Variants in LMBR1 observed in about 807,000 individuals in gnomAD.
The protein encoded by LMBR1 is limb region 1 protein homolog.
Under a neutral mutation model 73.9 loss-of-function variants are expected in LMBR1, and 52 were observed. That is an observed-to-expected ratio of 0.70 (90% CI 0.56 to 0.89). The LOEUF is 0.89. Among genes scored for constraint, LMBR1 ranks in the 40% least tolerant of loss-of-function variants. The pLI is 0.00. For missense variants in LMBR1, 539 were observed against 579.8 expected, an observed-to-expected ratio of 0.93 and a Z score of 0.72; for synonymous variants, 215 against 209.4, an observed-to-expected ratio of 1.03 and a Z score of -0.23.
At chr7:156,704,426 T>A (rs986957093) in intron 15 of LMBR1, among the ~76,000 whole-genome samples, 2 of 152,068 alleles carry the variant, frequency 1.3e-5, no homozygotes, top group East Asian at 1.9e-4. Context: ...AAACACATCA[T>A]GGTCACATAG....
At chr7:156,697,177 G>A (rs1406207666) in intron 15 of LMBR1, among the ~76,000 whole-genome samples, 2 of 152,170 alleles carry the variant, frequency 1.3e-5, no homozygotes, top group Admixed American at 6.5e-5. Context: ...GGTTTCAAAA[G>A]GGGAGGGGGT....
intron 9 of LMBR1, among the ~76,000 whole-genome samples, chr7:156,735,801 T>C (rs1382169086): frequency 6.6e-6 from 1 of 152,184 alleles, no homozygotes; most frequent in Non-Finnish European, 1.5e-5. Flanking sequence ...CATACATTTA[T>C]ACACACACCT....
At chr7:156,787,010 T>C (rs1454039950) in intron 5 of LMBR1, among the ~76,000 whole-genome samples, 1 of 152,162 alleles carries the variant, frequency 6.6e-6, no homozygotes, top group Admixed American at 6.5e-5. Context: ...TCTATAGTAA[T>C]ATTAGCCGCA....
At chr7:156,701,723 C>T (rs564615555) in intron 15 of LMBR1, among the ~76,000 whole-genome samples, 2 of 152,310 alleles carry the variant, frequency 1.3e-5, no homozygotes, top group East Asian at 1.9e-4. Flanking sequence ...TTTGCTGCAC[C>T]TATCAATCTA....
In LMBR1 at chr7:156,700,160, T is replaced by C. The variant is rs545438372; in HGVS notation, c.1226-11969A>G. Among the ~76,000 whole-genome samples the C allele has an allele frequency of 2.7e-3, 413 of 152,280 alleles. 3 individuals are homozygous for C. Among genetic ancestry groups the C allele is most frequent in the African/African-American group, 9.4e-3 (392 of 41,536 alleles). ...AACCAACCCAAATGTCCAGCAACGA[T>C]AGACTGGATTAAGAAAATGTGGCAC... On this transcript the variant is annotated intron_variant, in intron 15 of 16. Coordinates refer to ENST00000353442, the MANE Select transcript of LMBR1 (RefSeq NM_022458.4).
At chr7:156,763,840 T>TCA (rs1351688209) in intron 5 of LMBR1, 45 bp from the exon 6 acceptor site, 1 of 1,505,332 alleles carries the variant, frequency 6.6e-7, no homozygotes. Flanking sequence ...TTACTTCATT[T>TCA]CATGAACAAT....
At chr7:156,737,334 T>G (rs1818067752) in intron 9 of LMBR1, among the ~76,000 whole-genome samples, 1 of 152,188 alleles carries the variant, frequency 6.6e-6, no homozygotes, top group South Asian at 2.1e-4. Flanking sequence ...TATTCCTGTC[T>G]TTTTGAATGT....
chr7:156,697,830 G>T (rs1398063999), intron 15 of LMBR1, among the ~76,000 whole-genome samples: 2 of 152,160 alleles, frequency 1.3e-5, no homozygotes, highest in Non-Finnish European at 2.9e-5. Context: ...TGGTCCTGAG[G>T]TGACATACAT....
intron 1 of LMBR1, among the ~76,000 whole-genome samples, chr7:156,878,334 T>C (rs1800529540): frequency 6.6e-6 from 1 of 152,186 alleles, no homozygotes; most frequent in Non-Finnish European, 1.5e-5. Flanking sequence ...CTCCTAAAAC[T>C]GATAAATGAA....
At chr7:156,836,371 G>A (rs1248219155) in intron 2 of LMBR1, among the ~76,000 whole-genome samples, 1 of 152,126 alleles carries the variant, frequency 6.6e-6, no homozygotes, top group Non-Finnish European at 1.5e-5. Flanking sequence ...GGATATATGT[G>A]AAAGAATAAA....
intron 5 of LMBR1, among the ~76,000 whole-genome samples, chr7:156,781,188 T>C (rs1827072128): frequency 1.3e-5 from 2 of 152,316 alleles, no homozygotes; most frequent in African/African-American, 2.4e-5. Flanking sequence ...ATAAAAGATA[T>C]TAAGTTTTAA....
intron 15 of LMBR1, among the ~76,000 whole-genome samples, chr7:156,691,740 T>C (rs921321399): frequency 5.3e-5 from 8 of 150,790 alleles, no homozygotes; most frequent in Middle Eastern, 6.8e-3. Flanking sequence ...CATCTTGTTA[T>C]TTTAAAAAAA....
chr7:156,781,353 AG>A (rs1827105531), intron 5 of LMBR1, among the ~76,000 whole-genome samples: 1 of 152,170 alleles, frequency 6.6e-6, no homozygotes, highest in African/African-American at 2.4e-5. Context: ...TGTACATGAA[AG>A]CTTCCGGCTT....
chr7:156,676,470 G>A (rs367944175), downstream of LMBR1: 109 of 1,613,932 alleles, frequency 6.8e-5, no homozygotes, highest in East Asian at 1.6e-3. Flanking sequence ...CCCTCTCTCC[G>A]CTGCTGGCGG....
chr7:156,856,064 G>A (rs192071138), intron 1 of LMBR1, among the ~76,000 whole-genome samples: 40 of 152,020 alleles, frequency 2.6e-4, no homozygotes, highest in African/African-American at 8.2e-4. Context: ...GTGTGGTGGC[G>A]GGTGCCTGTA....
In LMBR1 at chr7:156,682,107, T is replaced by C. The variant is rs12530942; in HGVS notation, c.*1971A>G. 6.6e-6 allele frequency: 1 copy of C among 152,282 alleles called. No homozygotes were observed. Among genetic ancestry groups the C allele is most frequent in the Non-Finnish European group, 1.5e-5 (1 of 68,070 alleles). The allele number at this position is 152,282 out of a possible 1,614,324, so 9.4% of individuals were successfully genotyped here. A position where few individuals can be genotyped will look rare whatever the true frequency, so the allele number is the denominator to read the frequency against. On this transcript the variant is annotated 3_prime_UTR_variant, in exon 17 of 17. Transcript: ENST00000353442. Reference sequence around the variant, plus strand: ...TCCTTTGCTTCAACAGCAGTGAGGATGCCTCCAGGAAGTGTATTGTACTCA... The same window carrying C: ...TCCTTTGCTTCAACAGCAGTGAGGACGCCTCCAGGAAGTGTATTGTACTCA...
chr7:156,698,305 G>A (rs1808780790), intron 15 of LMBR1, among the ~76,000 whole-genome samples: 1 of 152,312 alleles, frequency 6.6e-6, no homozygotes, highest in African/African-American at 2.4e-5. Context: ...AGCTGTCAGT[G>A]GATCTACCAT....
rs186942051 is a variant in LMBR1, at chr7:156,726,363, A to C, written c.994-526T>G. Among the ~76,000 whole-genome samples, 182 of 152,272 alleles carry C rather than the reference A, an allele frequency of 1.2e-3. 2 individuals carry two copies. The highest frequency in any genetic ancestry group is 2.2e-4 in the Non-Finnish European group (15 of 68,010). On this transcript the variant is annotated intron_variant, in intron 12 of 16. Transcript: ENST00000353442. ...TTTTCCTTGGGAATTCAGAGTTACA[A>C]AGGATGTAACTGTTAACATAGATTT... is the stretch of plus-strand genomic sequence containing the variant.
chr7:156,744,668 T>G (rs974103855), intron 9 of LMBR1, among the ~76,000 whole-genome samples: 1 of 152,214 alleles, frequency 6.6e-6, no homozygotes, highest in South Asian at 2.1e-4. Context: ...TGCAAGATGA[T>G]TAATTCAATT....
Sources: gnomAD v4.1 joint callset for allele counts (sites outside exome capture counted in the v4.1 genomes callset) on GRCh38, gnomAD v4.1.1 for gene constraint, MANE v1.5 for transcripts, NCBI Gene and HGNC (gene_info 2026-07-23, HGNC 2026-07-21) for gene names.